The following FCRL5 variants were observed in gnomAD, a reference collection of about 807,000 sequenced individuals.
FCRL5 encodes Fc receptor-like protein 5.
In FCRL5, 79 loss-of-function variants were observed where a neutral mutation model predicts 92.1. That is an observed-to-expected ratio of 0.86 (90% CI 0.72 to 1.03). FCRL5 has a LOEUF of 1.03. FCRL5 is among the 50% of genes least tolerant of loss of function. The probability of loss-of-function intolerance (pLI) is 0.00; values close to 1 mark genes in which losing one functional copy is unlikely to be tolerated. For missense variants in FCRL5, 1,160 were observed against 1,181.1 expected, an observed-to-expected ratio of 0.98 and a Z score of 0.26; for synonymous variants, 466 against 469.3, an observed-to-expected ratio of 0.99 and a Z score of 0.09.
intron 6 of FCRL5, 174 bp downstream of exon 6, chr1:157,542,685 A>G: frequency 1.3e-6 from 1 of 779,538 alleles, no homozygotes; most frequent in Non-Finnish European, 2.1e-6. Flanking sequence ...ACTGCAATGC[A>G]ACGAGACTCA....
chr1:157,526,903 G>C (rs765726505), intron 9 of FCRL5, among the ~76,000 whole-genome samples: 6 of 152,176 alleles, frequency 3.9e-5, no homozygotes, highest in Non-Finnish European at 7.4e-5. Context: ...GTATGTGGGA[G>C]TGGCTGACTG....
chr1:157,539,362 G>T lies in FCRL5; in HGVS notation c.1126C>A (p.Pro376Thr). Reference protein sequence around the residue: ...SKAVSLSVTVPVSHPVLNLSS... With the variant: ...SKAVSLSVTVTVSHPVLNLSS... Reference sequence around the variant, plus strand: ...AGGTTGAGGACAGGATGAGACACGGGAACTGAGAGAGAGAAAAAATTAGTC... The same window carrying T: ...AGGTTGAGGACAGGATGAGACACGGTAACTGAGAGAGAGAAAAAATTAGTC... The change falls in exon 7 of 17, where the codon CCC (proline) becomes ACC (threonine). Residue 376 changes from proline (P) to threonine (T), a missense_variant and splice_region_variant. Coordinates refer to ENST00000361835, the MANE Select transcript of FCRL5 (RefSeq NM_031281.3). The T allele has an allele frequency of 6.3e-7, 1 of 1,591,868 alleles. No individual in the cohort carries two copies. The highest frequency in any genetic ancestry group is 8.6e-7 in the Non-Finnish European group (1 of 1,168,158).
Position 157,544,940 on chromosome 1 carries a change from G to A in FCRL5, c.450C>T (p.Asp150=), listed in dbSNP as rs773555632. 4 of 1,614,222 alleles carry A rather than the reference G, an allele frequency of 2.5e-6. No individual in the cohort carries two copies. The highest frequency in any genetic ancestry group is 3.4e-6 in the Non-Finnish European group (4 of 1,180,018). The change falls in exon 4 of 17, where the codon GAC becomes GAT. Residue 150 remains aspartate (D), a synonymous_variant. Coordinates refer to ENST00000361835, the MANE Select transcript of FCRL5 (RefSeq NM_031281.3). ...NVLAFLNKRT[D]FHIPHACLKD... is the part of the protein sequence containing the mutation. ...TGAGACATGCATGAGGAATATGGAA[G>A]TCAGTTCTTTTATTAAGGAATGCCA...
At chr1:157,519,148 A>G (rs1257995260) in intron 13 of FCRL5, 2 of 193,144 alleles carry the variant, frequency 1.0e-5, no homozygotes, top group African/African-American at 2.4e-5. Context: ...CTGCATGCTC[A>G]GAGAGATCAG....
intron 3 of FCRL5, among the ~76,000 whole-genome samples, 189 bp from the exon 4 acceptor site, chr1:157,545,271 T>G (rs1651478422): frequency 6.6e-6 from 1 of 152,212 alleles, no homozygotes; most frequent in African/African-American, 2.4e-5. Context: ...AGCAGAAATG[T>G]AGGTAAAATC....
chr1:157,549,112 A>G (rs1396915870), intron 2 of FCRL5, among the ~76,000 whole-genome samples: 2 of 152,178 alleles, frequency 1.3e-5, no homozygotes, highest in African/African-American at 4.8e-5. Flanking sequence ...GCCATAAAAA[A>G]TGATGAGTTC....
At chr1:157,521,608 G>A (rs913715380) in intron 10 of FCRL5, 1 of 208,588 alleles carries the variant, frequency 4.8e-6, no homozygotes, top group Non-Finnish European at 9.4e-6. Context: ...TATTTTTCAG[G>A]TTGGCAAAGC....
At chr1:157,534,947 C>T (rs1466239647) in intron 7 of FCRL5, 55 bp from the exon 8 acceptor site, 15 of 1,493,068 alleles carry the variant, frequency 1.0e-5, no homozygotes, top group Admixed American at 2.3e-5. Context: ...CTGTAGATTT[C>T]AACACTTGGC....
chr1:157,534,283 A>C (rs1176810309), intron 8 of FCRL5: 1 of 687,632 alleles, frequency 1.5e-6, no homozygotes, highest in African/African-American at 1.8e-5. Context: ...GCTTGTAGCT[A>C]AGTTAATATG....
rs758812887 is a variant in FCRL5, at chr1:157,552,319, C to T, written c.31+13G>A. 19 of 1,613,610 alleles carry T rather than the reference C, an allele frequency of 1.2e-5. No homozygotes were observed. The South Asian group carries it at 2.1e-4, about 18-fold the overall frequency. On this transcript the variant is annotated intron_variant, in intron 1 of 16. Transcript: ENST00000361835. ...GATCCCACCCAGGGCCCATGGTGAG[C>T]CCTTTTACTCACCCAGGACCAGTAA...
intron 8 of FCRL5, among the ~76,000 whole-genome samples, chr1:157,531,261 G>A (rs12145779): frequency 2.0e-5 from 3 of 151,974 alleles, no homozygotes; most frequent in Non-Finnish European, 2.9e-5. Context: ...CAATTAAAAC[G>A]CCAATGAAGT....
intron 8 of FCRL5, among the ~76,000 whole-genome samples, chr1:157,529,078 A>G (rs1417859008): frequency 1.3e-5 from 2 of 152,254 alleles, no homozygotes; most frequent in South Asian, 4.1e-4. Flanking sequence ...TGGGACCAGT[A>G]TCCAGAATCA....
Position 157,514,406 on chromosome 1 carries a change from G to A in FCRL5, c.*1269C>T, listed in dbSNP as rs1649834210. ...GCAGCTACTTTCCGCTTCCCAGGGT[G>A]GCTGATGAAAGCCAACATGTCACAG... On this transcript the variant is annotated 3_prime_UTR_variant, in exon 17 of 17. Coordinates refer to ENST00000361835, the MANE Select transcript of FCRL5 (RefSeq NM_031281.3). 1 of 152,396 alleles carries A rather than the reference G, an allele frequency of 6.6e-6. No individual in the cohort carries two copies. Among genetic ancestry groups the A allele is most frequent in the Non-Finnish European group, 1.5e-5 (1 of 68,070 alleles). The allele number at this position is 152,396 out of a possible 1,614,324, so 9.4% of individuals were successfully genotyped here. A position where few individuals can be genotyped will look rare whatever the true frequency, so the allele number is the denominator to read the frequency against.
intron 1 of FCRL5, among the ~76,000 whole-genome samples, chr1:157,551,393 C>A (rs1292554263): frequency 6.6e-6 from 1 of 152,204 alleles, no homozygotes; most frequent in African/African-American, 2.4e-5. Context: ...ATCACGCCTG[C>A]TCCATTTCTG....
At chr1:157,527,465 A>G in intron 9 of FCRL5, 152 bp downstream of exon 9, 1 of 694,854 alleles carries the variant, frequency 1.4e-6, no homozygotes, top group Non-Finnish European at 2.3e-6. Flanking sequence ...CGTGTAGGAT[A>G]CAAAACTTAG....
rs1558139625 is a variant in FCRL5 at position 157,542,972 on chromosome 1, CT to C, written c.1009del (p.Arg337GlyfsTer9). The C allele has an allele frequency of 6.2e-7, 1 of 1,614,256 alleles. No homozygotes were observed. Among genetic ancestry groups the C allele is most frequent in the Admixed American group, 1.7e-5 (1 of 60,026 alleles). On this transcript the variant is annotated frameshift_variant, in exon 6 of 17. Transcript: ENST00000361835. LOFTEE classifies it high-confidence loss of function. Reference sequence around the variant, plus strand: ...CAGTGAGAAGCTGATGGATGCTCCCCTTTCACAGCGGACTGACTTGTGCCTC... The same window carrying C: ...CAGTGAGAAGCTGATGGATGCTCCCCTTCACAGCGGACTGACTTGTGCCTC... ...PLRHKSVRCE[R>X]GASISFSLTT...
At chr1:157,535,348 C>A (rs1399127374) in intron 7 of FCRL5, among the ~76,000 whole-genome samples, 2 of 152,212 alleles carry the variant, frequency 1.3e-5, no homozygotes, top group African/African-American at 2.4e-5. Context: ...AAAGTCCTTA[C>A]CTCTTTTGGC....
chr1:157,544,431 C>A lies in FCRL5; in HGVS notation c.675G>T (p.Arg225=). Residue 225 remains arginine, a synonymous_variant, in exon 5 of 17, where the codon CGG becomes CGT. Coordinates refer to ENST00000361835, the MANE Select transcript of FCRL5 (RefSeq NM_031281.3). ...LSLERSDVPL[R]FRFFRDDQTL... is the part of the protein sequence containing the mutation. ...TCTGGTCATCTCTGAAGAAGCGGAA[C>A]CGGAGCGGGACATCTGACCTCTCTA... 1 of 1,614,206 alleles carries A rather than the reference C, an allele frequency of 6.2e-7. No individual in the cohort carries two copies. Among genetic ancestry groups the A allele is most frequent in the Non-Finnish European group, 8.5e-7 (1 of 1,180,046 alleles).
Position 157,524,421 on chromosome 1 carries a change from G to A in FCRL5, c.2097C>T (p.Thr699=). The change falls in exon 10 of 17, where the codon ACC becomes ACT. Residue 699 remains threonine (T), a synonymous_variant. Transcript: ENST00000361835. ...CAGAGGGGGCTGAGATCTTACCCAG[G>A]GTGACATCTTCATGATAAAACCAGT... ...ILYWFYHEDV[T]LGKISAPSGG... 3.7e-6 allele frequency: 6 copies of A among 1,614,214 alleles called. No individual in the cohort carries two copies. Among genetic ancestry groups the A allele is most frequent in the Non-Finnish European group, 5.1e-6 (6 of 1,180,050 alleles).
Sources: allele counts gnomAD v4.1 joint callset (sites outside exome capture counted in the v4.1 genomes callset), GRCh38; gene constraint gnomAD v4.1.1; transcripts MANE v1.5; gene names NCBI Gene and HGNC (gene_info 2026-07-23, HGNC 2026-07-21).